Variants in FRMD6 observed in about 807,000 individuals in gnomAD.
FRMD6 encodes FERM domain containing 6, also known as FERM domain-containing protein 6.
FRMD6 carries 37 observed loss-of-function variants against 73.2 expected under a neutral mutation model. That is an observed-to-expected ratio of 0.51 (90% CI 0.39 to 0.66). The LOEUF (loss-of-function observed/expected upper bound fraction) is 0.66. FRMD6 is among the 30% of genes least tolerant of loss of function. The pLI is 0.00. For missense variants in FRMD6, 714 were observed against 780.5 expected, an observed-to-expected ratio of 0.91 and a Z score of 1.02; for synonymous variants, 273 against 282.2, an observed-to-expected ratio of 0.97 and a Z score of 0.33.
At chr14:51,618,069 C>T (rs1356260626) in intron 2 of FRMD6, among the ~76,000 whole-genome samples, 3 of 152,168 alleles carry the variant, frequency 2.0e-5, no homozygotes, top group Admixed American at 2.0e-4. Flanking sequence ...AATTATATAT[C>T]ATATATACTA....
chr14:51,660,602 A>C (rs1454400369), intron 1 of FRMD6, among the ~76,000 whole-genome samples: 3 of 130,200 alleles, frequency 2.3e-5, no homozygotes, highest in Non-Finnish European at 4.9e-5. Context: ...ATGTCAGTGA[A>C]TAAAATAAAG....
intron 1 of FRMD6, among the ~76,000 whole-genome samples, chr14:51,509,480 T>C (rs577156353): frequency 6.6e-4 from 100 of 151,726 alleles, no homozygotes; most frequent in African/African-American, 2.2e-3. Context: ...TGAGCGGAGA[T>C]TGCGCCACTA....
the FRMD6 span, among the ~76,000 whole-genome samples, chr14:51,431,617 G>A: frequency 6.6e-6 from 1 of 152,180 alleles, no homozygotes; most frequent in African/African-American, 2.4e-5. Flanking sequence ...AAACATCATA[G>A]ATTTAGGTAT....
intron 2 of FRMD6, among the ~76,000 whole-genome samples, chr14:51,594,424 G>T (rs1254449643): frequency 6.6e-6 from 1 of 152,054 alleles, no homozygotes; most frequent in Admixed American, 6.5e-5. Flanking sequence ...TGCCTCCCAG[G>T]TTCAAGTGAT....
chr14:51,562,592 C>T (rs927815970), intron 1 of FRMD6, among the ~76,000 whole-genome samples: 31 of 152,142 alleles, frequency 2.0e-4, no homozygotes, highest in Admixed American at 3.9e-4. Flanking sequence ...AAAGAGCATT[C>T]CCTCACTCCA....
At chr14:51,429,422 AG>A in the FRMD6 span, among the ~76,000 whole-genome samples, 1 of 71,728 alleles carries the variant, frequency 1.4e-5, no homozygotes, top group Non-Finnish European at 2.9e-5. Flanking sequence ...GTAGTCATGA[AG>A]ATTTTTTTTT....
chr14:51,494,025 T>TA (rs1267303002), intron 1 of FRMD6, among the ~76,000 whole-genome samples: 4 of 152,188 alleles, frequency 2.6e-5, no homozygotes, highest in Non-Finnish European at 4.4e-5. Context: ...GGGTTCTTTT[T>TA]AAATAAGGGC....
intron 2 of FRMD6, among the ~76,000 whole-genome samples, chr14:51,618,828 A>G (rs944637812): frequency 6.6e-6 from 1 of 151,758 alleles, no homozygotes; most frequent in Non-Finnish European, 1.5e-5. Context: ...GTAAATTATT[A>G]TAATACAATT....
At chr14:51,491,588 C>G (rs1173875790) in intron 1 of FRMD6, 1 of 152,184 alleles carries the variant, frequency 6.6e-6, no homozygotes, top group Non-Finnish European at 1.5e-5. Context: ...TACAACAACC[C>G]TATGAAGTAA....
the FRMD6 span, among the ~76,000 whole-genome samples, chr14:51,469,102 G>A: frequency 7.9e-5 from 12 of 151,418 alleles, no homozygotes; most frequent in African/African-American, 2.7e-4. Flanking sequence ...CACCACGCCC[G>A]GCTAATTTTT....
chr14:51,611,487 C>G (rs1890497509), intron 2 of FRMD6, among the ~76,000 whole-genome samples: 1 of 152,142 alleles, frequency 6.6e-6, no homozygotes, highest in Non-Finnish European at 1.5e-5. Context: ...TGGAGTGTAA[C>G]CTGGGCATTG....
At chr14:51,690,547 G>A (rs568699623) in intron 2 of FRMD6, among the ~76,000 whole-genome samples, 41 of 152,022 alleles carry the variant, frequency 2.7e-4, no homozygotes, top group Non-Finnish European at 4.6e-4. Flanking sequence ...CACCACGCCC[G>A]GCTAATTTTT....
At chr14:51,432,385 C>T in the FRMD6 span, among the ~76,000 whole-genome samples, 1 of 152,068 alleles carries the variant, frequency 6.6e-6, no homozygotes, top group Non-Finnish European at 1.5e-5. Context: ...AACTGAAACT[C>T]AGGAAAATTC....
At chr14:51,597,530 A>G (rs1373103611) in intron 2 of FRMD6, among the ~76,000 whole-genome samples, 2 of 152,226 alleles carry the variant, frequency 1.3e-5, no homozygotes, top group Non-Finnish European at 2.9e-5. Context: ...GCTGGAATGC[A>G]GAATGTGTAA....
At chr14:51,653,576 A>G (rs533995399) in intron 1 of FRMD6, among the ~76,000 whole-genome samples, 1 of 152,148 alleles carries the variant, frequency 6.6e-6, no homozygotes, top group African/African-American at 2.4e-5. Context: ...GCATTATGAG[A>G]CTATTGTAGA....
intron 2 of FRMD6, among the ~76,000 whole-genome samples, chr14:51,582,130 G>C (rs112510728): frequency 2.0e-5 from 3 of 152,194 alleles, no homozygotes; most frequent in African/African-American, 7.2e-5. Context: ...GACTAAAGTG[G>C]AAGCCTATGC....
At chr14:51,702,451 T>A in intron 4 of FRMD6, 61 bp from the exon 5 acceptor site, 1 of 1,427,798 alleles carries the variant, frequency 7.0e-7, no homozygotes, top group Non-Finnish European at 9.8e-7. Context: ...TGGTTGCTTT[T>A]GAAACCCATT....
At chr14:51,573,606 C>G (rs1888249693) in intron 2 of FRMD6, among the ~76,000 whole-genome samples, 1 of 152,184 alleles carries the variant, frequency 6.6e-6, no homozygotes, top group Admixed American at 6.5e-5. Flanking sequence ...TTTTGGTGCT[C>G]TGCTGGCATA....
chr14:51,665,143 T>C (rs375832655), intron 1 of FRMD6, among the ~76,000 whole-genome samples: 21 of 152,316 alleles, frequency 1.4e-4, no homozygotes, highest in African/African-American at 2.6e-4. Context: ...CATTTAAAAA[T>C]AGAGAAATTT....
Sources: allele counts gnomAD v4.1 joint callset (sites outside exome capture counted in the v4.1 genomes callset), GRCh38; gene constraint gnomAD v4.1.1; transcripts MANE v1.5; gene names NCBI Gene and HGNC (gene_info 2026-07-23, HGNC 2026-07-21).